NPHP4: variants seen among roughly 807,000 people sequenced by gnomAD.
NPHP4 encodes the protein nephrocystin-4.
A neutral mutation model predicts 155.8 loss-of-function variants in NPHP4; 151 were observed. That is an observed-to-expected ratio of 0.97 (90% CI 0.85 to 1.11). The LOEUF (loss-of-function observed/expected upper bound fraction) is 1.11, where lower values mean the gene tolerates loss of function less well. Ranked by LOEUF, NPHP4 falls within the 50% of genes least tolerant of loss-of-function variation. The pLI, the probability that NPHP4 is intolerant of heterozygous loss-of-function variation, is 0.00. For synonymous variants in NPHP4, 845 were observed against 816.8 expected (o/e 1.03, Z -0.59); for missense variants, 1,956 against 1,925.7 (o/e 1.02, Z -0.29).
chr1:5,992,247 G>C lies in NPHP4; in HGVS notation c.-42C>G, dbSNP rs917044025. ...CGCCCGCCGCGGGCCGCGTTACCTA[G>C]GAGACCGACCCGCCGCGGCCGCGCC... On this transcript the variant is annotated 5_prime_UTR_variant, in exon 1 of 30. Transcript: ENST00000378156. 6.6e-6 allele frequency: 1 copy of C among 152,114 alleles called. No individual in the cohort carries two copies. The highest frequency in any genetic ancestry group is 1.5e-5 in the Non-Finnish European group (1 of 68,028). The allele number at this position is 152,114 out of a possible 1,614,324, so 9.4% of individuals were successfully genotyped here. A position where few individuals can be genotyped will look rare whatever the true frequency, so the allele number is the denominator to read the frequency against.
intron 6 of NPHP4, among the ~76,000 whole-genome samples, chr1:5,960,989 C>A (rs1436838226): frequency 6.6e-6 from 1 of 152,218 alleles, no homozygotes; most frequent in Non-Finnish European, 1.5e-5. Flanking sequence ...CATCCATAGA[C>A]TGGAATATCA....
rs1646991124 is a variant in NPHP4, at chr1:5,944,625, AG to A, written c.1119+2478del. 6.6e-6 allele frequency among the ~76,000 whole-genome samples: 1 copy of A among 152,214 alleles called. No homozygotes were observed. Among genetic ancestry groups the A allele is most frequent in the Non-Finnish European group, 1.5e-5 (1 of 68,032 alleles). ...CACCCAGGAAAGCGCACTTGATGAC[AG>A]TAAAGTGGAATCCAGTATTCCCAGT... On this transcript the variant is annotated intron_variant, in intron 9 of 29. Transcript: ENST00000378156. This position sits in a 1 kb window ranked among gnomAD's most constrained non-coding sequence, Gnocchi z 4.3.
chr1:5,925,308 T>C (rs981077775), intron 11 of NPHP4, among the ~76,000 whole-genome samples: 2 of 152,180 alleles, frequency 1.3e-5, no homozygotes, highest in African/African-American at 4.8e-5. Flanking sequence ...GTATTGTAAG[T>C]AGCCTAAAGA....
At chr1:5,896,131 C>T (rs1644385005) in intron 16 of NPHP4, among the ~76,000 whole-genome samples, 1 of 152,118 alleles carries the variant, frequency 6.6e-6, no homozygotes, top group Admixed American at 6.5e-5. Flanking sequence ...AGTAAAAACA[C>T]TGGAAGGGTC....
intron 18 of NPHP4, chr1:5,887,075 C>T (rs903706075): frequency 3.5e-6 from 2 of 578,428 alleles, no homozygotes; most frequent in Non-Finnish European, 6.1e-6. Context: ...TGACCTCTAA[C>T]CCCAATCAGA....
intron 16 of NPHP4, among the ~76,000 whole-genome samples, chr1:5,895,950 G>A (rs950665068): frequency 6.6e-6 from 1 of 152,132 alleles, no homozygotes; most frequent in African/African-American, 2.4e-5. Context: ...CACAGAGCAT[G>A]ACGCAGCTAC....
chr1:5,870,648 G>T (rs1036973294), intron 23 of NPHP4, among the ~76,000 whole-genome samples: 1 of 152,168 alleles, frequency 6.6e-6, no homozygotes, highest in Admixed American at 6.5e-5. Context: ...AAAAAGCATG[G>T]CAGATGTCAT....
intron 18 of NPHP4, 132 bp downstream of exon 18, chr1:5,887,154 C>T (rs1290387611): frequency 3.0e-5 from 25 of 847,364 alleles, no homozygotes; most frequent in Non-Finnish European, 4.4e-5. Flanking sequence ...CATGGCCAAG[C>T]TGGTGAGAAT....
intron 19 of NPHP4, chr1:5,879,484 T>A (rs11121915): frequency 7.7e-6 from 4 of 517,334 alleles, no homozygotes; most frequent in African/African-American, 7.7e-5. Flanking sequence ...CAACATAGGG[T>A]ACTTCAACTT....
rs545330507 is a variant in NPHP4 at position 5,942,303 on chromosome 1, G to A, written c.1119+4801C>T. On this transcript the variant is annotated intron_variant, in intron 9 of 29. Transcript: ENST00000378156. ...TCCCAGCACTTTGGAAGGCCAAGGC[G>A]GGTGGATCACAAGGTCAGGATATCG... 4.6e-5 allele frequency among the ~76,000 whole-genome samples: 7 copies of A among 152,186 alleles called. No homozygotes were observed. The South Asian group carries it at 1.2e-3, about 27-fold the overall frequency.
At chr1:5,941,685 G>A (rs979125316) in intron 9 of NPHP4, among the ~76,000 whole-genome samples, 3 of 152,360 alleles carry the variant, frequency 2.0e-5, no homozygotes, top group Non-Finnish European at 4.4e-5. Context: ...AAAACAGGAC[G>A]AAGGATGCCA....
At chr1:5,948,774 A>C (rs553605932) in intron 7 of NPHP4, among the ~76,000 whole-genome samples, 1 of 152,342 alleles carries the variant, frequency 6.6e-6, no homozygotes, top group African/African-American at 2.4e-5. Flanking sequence ...CTGGGTGTAC[A>C]AAGGGAAACA....
At chr1:5,863,849 CG>C in intron 29 of NPHP4, 40 bp downstream of exon 29, 1 of 1,608,644 alleles carries the variant, frequency 6.2e-7, no homozygotes, top group Non-Finnish European at 8.5e-7. Flanking sequence ...TTCAGGTCCC[CG>C]GGTCTTCCCC....
chr1:5,947,261 T>C lies in NPHP4; in HGVS notation c.993-31A>G, dbSNP rs765767706. 2.5e-5 allele frequency: 41 copies of C among 1,609,458 alleles called. No homozygotes were observed. The South Asian group carries it at 4.3e-4, about 17-fold the overall frequency. On this transcript the variant is annotated intron_variant, in intron 8 of 29. Coordinates refer to ENST00000378156, the MANE Select transcript of NPHP4 (RefSeq NM_015102.5). Reference sequence around the variant, plus strand: ...TCAGAAACACAAACCAGGGACACATTAGAGCTCGAGCTCCCATCCTTCCCG... The same window carrying C: ...TCAGAAACACAAACCAGGGACACATCAGAGCTCGAGCTCCCATCCTTCCCG...
chr1:5,933,457 G>T, intron 9 of NPHP4, 128 bp from the exon 10 acceptor site: 1 of 736,546 alleles, frequency 1.4e-6, no homozygotes, highest in South Asian at 1.7e-5. Flanking sequence ...GGGATCATCA[G>T]TTGCATTTTA....
intron 6 of NPHP4, among the ~76,000 whole-genome samples, chr1:5,960,553 C>T (rs1650116124): frequency 6.6e-6 from 1 of 152,108 alleles, no homozygotes; most frequent in African/African-American, 2.4e-5. Flanking sequence ...AAGGTCAAAT[C>T]CTGCTCTTCC....
chr1:5,897,600 G>A (rs1266168154), intron 16 of NPHP4, among the ~76,000 whole-genome samples: 2 of 152,242 alleles, frequency 1.3e-5, no homozygotes, highest in Admixed American at 6.5e-5. Flanking sequence ...CCCGGAACAC[G>A]GGACGTTCTG....
Position 5,863,810 on chromosome 1 carries a change from G to A in NPHP4, c.4140+80C>T, listed in dbSNP as rs549345738. 10 of 1,463,234 alleles carry A rather than the reference G, an allele frequency of 6.8e-6. No individual in the cohort carries two copies. In the Admixed American group the frequency reaches 1.2e-4, roughly 17 times the overall value. 90.6% of individuals were successfully genotyped at this position (1,463,234 alleles called of 1,614,324 possible). A position where few individuals can be genotyped will look rare whatever the true frequency, so the allele number is the denominator to read the frequency against. On this transcript the variant is annotated intron_variant, in intron 29 of 29. Coordinates refer to ENST00000378156, the MANE Select transcript of NPHP4 (RefSeq NM_015102.5). The stretch of plus-strand genomic sequence containing the variant: ...AGACTGCTGGTGATTTGAGGAACTC[G>A]CTCCTAAATGCAGGCTAACTGCCCT...
At chr1:5,972,281 C>T (rs1382002677) in intron 3 of NPHP4, among the ~76,000 whole-genome samples, 1 of 152,206 alleles carries the variant, frequency 6.6e-6, no homozygotes, top group African/African-American at 2.4e-5. Context: ...CAGTTCCTAC[C>T]CTCTGGCTCA....
Sources: gnomAD v4.1 joint callset for allele counts (sites outside exome capture counted in the v4.1 genomes callset) on GRCh38, gnomAD v4.1.1 for gene constraint, Gnocchi (gnomAD v3.1) non-coding constraint, MANE v1.5 for transcripts, NCBI Gene and HGNC (gene_info 2026-07-23, HGNC 2026-07-21) for gene names.